The following TMEM108 variants were observed in gnomAD, a reference collection of about 807,000 sequenced individuals.
The protein encoded by TMEM108 is cancer/testis antigen 124.
A neutral mutation model predicts 35.1 loss-of-function variants in TMEM108; 12 were observed. The observed-to-expected ratio is 0.34, with a 90% CI of 0.22 to 0.55. The LOEUF is 0.55. TMEM108 is among the 20% of genes least tolerant of loss of function. TMEM108 has a pLI of 0.89. For synonymous variants in TMEM108, 287 were observed against 308.6 expected (o/e 0.93, Z 0.73); for missense variants, 680 against 753.3 (o/e 0.90, Z 1.14).
At chr3:133,204,400 C>T (rs1945719667) in intron 2 of TMEM108, among the ~76,000 whole-genome samples, 2 of 151,966 alleles carry the variant, frequency 1.3e-5, no homozygotes, top group African/African-American at 4.8e-5. Flanking sequence ...GATAGGGTGT[C>T]AATTTTAGAG....
In TMEM108 at chr3:133,380,369, T is replaced by C; in HGVS notation, c.658T>C (p.Tyr220His). Reference protein sequence around the residue: ...KRPLGKIFQIYKGNFTGSVEP... With the variant: ...KRPLGKIFQIHKGNFTGSVEP... ...GCCCCTGGGGAAAATCTTTCAGATCTACAAGGGCAACTTCACAGGGTCTGT... is the reference window on the plus strand; with the variant it reads ...GCCCCTGGGGAAAATCTTTCAGATCCACAAGGGCAACTTCACAGGGTCTGT... The change falls in exon 4 of 6, where the codon TAC (tyrosine) becomes CAC (histidine). Residue 220 changes from tyrosine to histidine, a missense_variant. Coordinates refer to ENST00000321871, the MANE Select transcript of TMEM108 (RefSeq NM_023943.4). This position sits in a 1 kb window ranked among gnomAD's most constrained non-coding sequence, Gnocchi z 5.3. 6.2e-7 allele frequency: 1 copy of C among 1,613,820 alleles called. No individual in the cohort carries two copies. The highest frequency in any genetic ancestry group is 1.1e-5 in the South Asian group (1 of 91,054).
At chr3:133,075,229 G>A (rs1378468474) in intron 2 of TMEM108, among the ~76,000 whole-genome samples, 4 of 152,208 alleles carry the variant, frequency 2.6e-5, no homozygotes. Flanking sequence ...ACATTCCTCT[G>A]GGATATATAC....
chr3:133,286,625 C>G (rs947005145), intron 3 of TMEM108, among the ~76,000 whole-genome samples: 1 of 152,234 alleles, frequency 6.6e-6, no homozygotes, highest in Admixed American at 6.5e-5. Flanking sequence ...CTATGAGCCA[C>G]TGCACCAGGC....
chr3:133,303,575 T>C (rs1947261453), intron 3 of TMEM108, among the ~76,000 whole-genome samples: 1 of 152,166 alleles, frequency 6.6e-6, no homozygotes, highest in African/African-American at 2.4e-5. Flanking sequence ...AGGAATCTGG[T>C]CATTGTTTAT....
chr3:133,154,131 G>C (rs967001875), intron 2 of TMEM108, among the ~76,000 whole-genome samples: 1 of 151,916 alleles, frequency 6.6e-6, no homozygotes, highest in Middle Eastern at 3.4e-3. Context: ...CTTTTTGATG[G>C]GGTTGTTTGT....
At chr3:133,078,235 T>C (rs1521084) in intron 2 of TMEM108, among the ~76,000 whole-genome samples, 73,805 of 151,262 alleles carry the variant, frequency 0.49, 18,580 homozygotes, top group African/African-American at 0.62. Context: ...TGCTCCTGAG[T>C]TGCTTTTTGT....
intron 3 of TMEM108, among the ~76,000 whole-genome samples, chr3:133,322,552 C>A (rs1438392282): frequency 6.6e-6 from 1 of 151,984 alleles, no homozygotes; most frequent in African/African-American, 2.4e-5. Flanking sequence ...GCAAAAAAAT[C>A]CAGGACCAGA....
In TMEM108 at chr3:133,216,271, A is replaced by G. The variant is rs767592232; in HGVS notation, c.-46-12995A>G. Among the ~76,000 whole-genome samples the G allele has an allele frequency of 7.9e-5, 12 of 152,228 alleles. No homozygotes were observed. The South Asian group carries it at 1.0e-3, about 13-fold the overall frequency. Reference sequence around the variant, plus strand: ...TTCCTTCTGACTCAGTGCAAGTGATATATGACTGTCCCACTTAAGCTTGAG... The same window carrying G: ...TTCCTTCTGACTCAGTGCAAGTGATGTATGACTGTCCCACTTAAGCTTGAG... On this transcript the variant is annotated intron_variant, in intron 2 of 5. Coordinates refer to ENST00000321871, the MANE Select transcript of TMEM108 (RefSeq NM_023943.4).
chr3:133,250,734 G>T (rs1946456638), intron 3 of TMEM108, among the ~76,000 whole-genome samples: 1 of 152,156 alleles, frequency 6.6e-6, no homozygotes, highest in Non-Finnish European at 1.5e-5. Context: ...GCTACCATAT[G>T]ATTTGGGGGG....
intron 2 of TMEM108, among the ~76,000 whole-genome samples, chr3:133,215,344 C>A (rs1945891058): frequency 7.0e-6 from 1 of 143,370 alleles, no homozygotes; most frequent in Non-Finnish European, 1.5e-5. Context: ...GTAAAATCAC[C>A]AACACAAAAG....
intron 3 of TMEM108, among the ~76,000 whole-genome samples, chr3:133,328,065 C>G (rs538208314): frequency 5.3e-5 from 8 of 152,260 alleles, no homozygotes; most frequent in African/African-American, 1.7e-4. Context: ...TCATCTGTCT[C>G]TGATCTCATG....
intron 2 of TMEM108, among the ~76,000 whole-genome samples, chr3:133,129,044 T>A (rs1944453883): frequency 6.6e-6 from 1 of 152,110 alleles, no homozygotes; most frequent in Admixed American, 6.5e-5. Flanking sequence ...CCCAATGACC[T>A]CCTATTTAAA....
intron 3 of TMEM108, among the ~76,000 whole-genome samples, chr3:133,368,339 G>A (rs2072559873): frequency 6.6e-6 from 1 of 152,204 alleles, no homozygotes; most frequent in Admixed American, 6.5e-5. Flanking sequence ...CCTTGAACCA[G>A]AAAGCAAAAG....
At chr3:133,388,079 G>C (rs2073180277) in intron 4 of TMEM108, 2 of 985,460 alleles carry the variant, frequency 2.0e-6, no homozygotes, top group African/African-American at 3.5e-5. Flanking sequence ...GAGCTGTTCT[G>C]TTTGTCCTGA....
At chr3:133,179,283 T>G (rs1447269580) in intron 2 of TMEM108, among the ~76,000 whole-genome samples, 2 of 152,230 alleles carry the variant, frequency 1.3e-5, no homozygotes, top group African/African-American at 4.8e-5. Context: ...AAATACCATG[T>G]GACCCAGCCA....
chr3:133,159,017 T>C (rs1317498657), intron 2 of TMEM108, among the ~76,000 whole-genome samples: 1 of 152,218 alleles, frequency 6.6e-6, no homozygotes, highest in Admixed American at 6.5e-5. Flanking sequence ...TATCTGTTGG[T>C]GAATGTGATG....
rs1347252148 is a variant in TMEM108, at chr3:133,387,166, CAAG to C, written c.1451-3009_1451-3007del. 28 of 985,430 alleles carry C rather than the reference CAAG, an allele frequency of 2.8e-5. No homozygotes were observed. In the African/African-American group the frequency reaches 3.1e-4, roughly 11 times the overall value. The allele number at this position is 985,430 out of a possible 1,614,324, so 61.0% of individuals were successfully genotyped here. A position where few individuals can be genotyped will look rare whatever the true frequency, so the allele number is the denominator to read the frequency against. Reference sequence around the variant, plus strand: ...TCTCTTGTAGAGGATGTTGGGAGAACAAGAAGAGAACTGTCATTAATTAAGCAT... The same window carrying C: ...TCTCTTGTAGAGGATGTTGGGAGAACAAGAGAACTGTCATTAATTAAGCAT... On this transcript the variant is annotated intron_variant, in intron 4 of 5. Transcript: ENST00000321871.
intron 3 of TMEM108, among the ~76,000 whole-genome samples, chr3:133,347,454 A>C (rs966695164): frequency 6.6e-6 from 1 of 151,868 alleles, no homozygotes; most frequent in Non-Finnish European, 1.5e-5. Flanking sequence ...CCAATTGTTC[A>C]TTGATGGTAT....
At chr3:133,042,694 A>G (rs149188513) in intron 1 of TMEM108, among the ~76,000 whole-genome samples, 2 of 152,342 alleles carry the variant, frequency 1.3e-5, no homozygotes, top group East Asian at 3.9e-4. Flanking sequence ...ACTCTTGAAG[A>G]TGATTTAACT....
Sources: gnomAD v4.1 joint callset for allele counts (sites outside exome capture counted in the v4.1 genomes callset) on GRCh38, gnomAD v4.1.1 for gene constraint, Gnocchi (gnomAD v3.1) non-coding constraint, MANE v1.5 for transcripts, NCBI Gene and HGNC (gene_info 2026-07-23, HGNC 2026-07-21) for gene names.